Variants in AMMECR1 observed in about 807,000 individuals in gnomAD.
AMMECR1 encodes the protein AMMECR nuclear protein 1, also known as nuclear protein AMMECR1.
AMMECR1 carries 3 observed loss-of-function variants against 22.5 expected under a neutral mutation model. The ratio of observed to expected loss-of-function variants is 0.13; its 90% confidence interval spans 0.06 to 0.35. AMMECR1 has a LOEUF of 0.35. Among genes scored for constraint, AMMECR1 ranks in the 10% least tolerant of loss-of-function variants. The probability of loss-of-function intolerance (pLI) is 1.00; values close to 1 mark genes in which losing one functional copy is unlikely to be tolerated. For synonymous variants in AMMECR1, 130 were observed against 116.7 expected (o/e 1.11, Z -0.74); for missense variants, 235 against 278.7 (o/e 0.84, Z 1.12).
At chrX:110,415,407 GGT>G (rs1479724478) in intron 2 of AMMECR1, among the ~76,000 whole-genome samples, 1 of 112,080 alleles carries the variant, frequency 8.9e-6, no homozygotes, top group African/African-American at 3.2e-5. Flanking sequence ...GTGTTAGAGT[GGT>G]GAGTGATGGA....
At chrX:110,251,926 T>G (rs2067688261) in intron 2 of AMMECR1, among the ~76,000 whole-genome samples, 1 of 111,884 alleles carries the variant, frequency 8.9e-6, no homozygotes, top group Non-Finnish European at 1.9e-5. Context: ...AAAACTGAAA[T>G]TGCTATAAAT....
At chrX:110,375,645 T>C (rs1326753505) in intron 2 of AMMECR1, among the ~76,000 whole-genome samples, 3 of 111,890 alleles carry the variant, frequency 2.7e-5, no homozygotes, top group African/African-American at 9.8e-5. Context: ...GATGGGGAAA[T>C]ATTACATGAA....
chrX:110,340,774 C>T (rs1203973662), intron 2 of AMMECR1, among the ~76,000 whole-genome samples: 1 of 112,510 alleles, frequency 8.9e-6, no homozygotes, highest in African/African-American at 3.2e-5. Flanking sequence ...TAATACTTAT[C>T]TGTCATCAAG....
At chrX:110,420,454 G>A (rs956051774) in intron 2 of AMMECR1, among the ~76,000 whole-genome samples, 2 of 112,287 alleles carry the variant, frequency 1.8e-5, no homozygotes, top group African/African-American at 6.5e-5. Flanking sequence ...TCTGGTGCAA[G>A]AGGTGCCTCT....
rs781590540 is a variant in AMMECR1, at chrX:110,217,143, T to C, written c.585-511A>G. Among the ~76,000 whole-genome samples the C allele has an allele frequency of 5.5e-5, 6 of 108,329 alleles. No homozygotes were observed. The South Asian group carries it at 1.6e-3, about 29-fold the overall frequency. The allele number at this position is 108,329 out of a possible 115,157, so 94.1% of individuals were successfully genotyped here. On this transcript the variant is annotated intron_variant, in intron 2 of 5. Coordinates refer to ENST00000262844, the MANE Select transcript of AMMECR1 (RefSeq NM_015365.3). Reference sequence around the variant, plus strand: ...ATTATACTAGGAAGGCCAGTCACCATAGAACAGCACTCAAAGAATTCAAAG... The same window carrying C: ...ATTATACTAGGAAGGCCAGTCACCACAGAACAGCACTCAAAGAATTCAAAG...
intron 2 of AMMECR1, among the ~76,000 whole-genome samples, chrX:110,385,555 C>T (rs2068449433): frequency 8.9e-6 from 1 of 111,855 alleles, no homozygotes; most frequent in African/African-American, 3.3e-5. Context: ...AATCACTAAC[C>T]TACTTTCTGT....
chrX:110,346,611 A>T, intron 2 of AMMECR1: 1 of 514,648 alleles, frequency 1.9e-6, no homozygotes, highest in Non-Finnish European at 3.6e-6. Flanking sequence ...TGTTACAGGG[A>T]TAAGCTTTTG....
intron 2 of AMMECR1, among the ~76,000 whole-genome samples, chrX:110,225,662 G>A (rs897717278): frequency 8.9e-6 from 1 of 112,418 alleles, no homozygotes; most frequent in East Asian, 2.8e-4. Context: ...GAGATCTGAA[G>A]TATTTCCTTT....
chrX:110,406,147 G>A (rs1363445859), intron 2 of AMMECR1, among the ~76,000 whole-genome samples: 1 of 108,492 alleles, frequency 9.2e-6, no homozygotes, highest in African/African-American at 3.4e-5. Context: ...TGTGTTACAT[G>A]TGCAGAACTT....
At chrX:110,302,551 G>A (rs192841999) in intron 1 of AMMECR1, among the ~76,000 whole-genome samples, 2 of 111,671 alleles carry the variant, frequency 1.8e-5, no homozygotes, top group Non-Finnish European at 3.8e-5. Flanking sequence ...GCTCCAGAGA[G>A]AAACTATATT....
rs954574218 is a variant in AMMECR1, at chrX:110,292,386, T to C, written c.473+25213A>G. 4.5e-5 allele frequency among the ~76,000 whole-genome samples: 5 copies of C among 112,000 alleles called. No homozygotes were observed. The Admixed American group carries it at 4.7e-4, about 11-fold the overall frequency. ...TTTACCCAAAGGAGCTGAAACCTTA[T>C]GTCCACACAAAACCCACAGAAAAAT... is the stretch of plus-strand genomic sequence containing the variant. On this transcript the variant is annotated intron_variant, in intron 1 of 5. Transcript: ENST00000262844.
chrX:110,300,533 T>G (rs748625845), intron 1 of AMMECR1, among the ~76,000 whole-genome samples: 1 of 112,099 alleles, frequency 8.9e-6, no homozygotes, highest in Admixed American at 9.4e-5. Flanking sequence ...AAGCAACAGA[T>G]CATTAGATTA....
chrX:110,232,376 A>G (rs1455253404), intron 2 of AMMECR1, among the ~76,000 whole-genome samples: 1 of 112,217 alleles, frequency 8.9e-6, no homozygotes, highest in Non-Finnish European at 1.9e-5. Context: ...TCAATACCAC[A>G]TAAGTACATG....
intron 2 of AMMECR1, chrX:110,358,813 T>C (rs1036003884): frequency 9.9e-5 from 11 of 111,483 alleles, no homozygotes. Context: ...GGCTCTGGAA[T>C]GTGGAAAGGA....
chrX:110,308,254 C>T (rs2068007850), intron 1 of AMMECR1, among the ~76,000 whole-genome samples: 1 of 111,642 alleles, frequency 9.0e-6, no homozygotes, highest in African/African-American at 3.3e-5. Context: ...TGATGTAAAA[C>T]ATAAAAAGCA....
chrX:110,334,034 T>C (rs1409843508), intron 2 of AMMECR1, among the ~76,000 whole-genome samples: 2 of 112,069 alleles, frequency 1.8e-5, no homozygotes, highest in Non-Finnish European at 3.8e-5. Flanking sequence ...GTTCCTTATA[T>C]ATTATGAATA....
intron 2 of AMMECR1, among the ~76,000 whole-genome samples, chrX:110,408,560 T>C (rs73636964): frequency 0.11 from 12,163 of 112,058 alleles, 1,609 homozygotes; most frequent in African/African-American, 0.37. Context: ...GGGTTTTGCT[T>C]CCCCTGCCCC....
At chrX:110,334,900 TG>T (rs781192458) in intron 2 of AMMECR1, among the ~76,000 whole-genome samples, 61 of 111,274 alleles carry the variant, frequency 5.5e-4, no homozygotes, top group Non-Finnish European at 2.8e-4. Flanking sequence ...TGAGAGTGTC[TG>T]GGTTGCCAGA....
At chrX:110,360,327 T>C (rs958967701) in intron 2 of AMMECR1, among the ~76,000 whole-genome samples, 5 of 111,898 alleles carry the variant, frequency 4.5e-5, no homozygotes, top group African/African-American at 1.6e-4. Context: ...TTTTATTCTG[T>C]GGACCTACAG....
Sources: gnomAD v4.1 joint callset for allele counts (sites outside exome capture counted in the v4.1 genomes callset) on GRCh38, gnomAD v4.1.1 for gene constraint, MANE v1.5 for transcripts, NCBI Gene and HGNC (gene_info 2026-07-23, HGNC 2026-07-21) for gene names.